Variants in ARHGAP15 observed in about 807,000 individuals in gnomAD.
The protein encoded by ARHGAP15 is rho GTPase-activating protein 15.
A neutral mutation model predicts 63.7 loss-of-function variants in ARHGAP15; 51 were observed. The ratio of observed to expected loss-of-function variants is 0.80; its 90% CI spans 0.64 to 1.01. ARHGAP15 has a LOEUF of 1.01. Ranked by LOEUF, ARHGAP15 falls within the 50% of genes least tolerant of loss-of-function variation. The probability of loss-of-function intolerance (pLI) is 0.00; values close to 1 mark genes in which losing one functional copy is unlikely to be tolerated. For missense variants in ARHGAP15, 560 were observed against 564.6 expected, an observed-to-expected ratio of 0.99 and a Z score of 0.08; for synonymous variants, 191 against 193.8, an observed-to-expected ratio of 0.99 and a Z score of 0.12.
chr2:143,389,442 A>G (rs1687447863), intron 6 of ARHGAP15, among the ~76,000 whole-genome samples: 1 of 152,226 alleles, frequency 6.6e-6, no homozygotes, highest in African/African-American at 2.4e-5. Context: ...CACAATCACA[A>G]TAAATGTTTC....
At chr2:143,222,239 G>A (rs745977815) in intron 4 of ARHGAP15, among the ~76,000 whole-genome samples, 1 of 152,162 alleles carries the variant, frequency 6.6e-6, no homozygotes, top group Non-Finnish European at 1.5e-5. Flanking sequence ...GTGATTTTGC[G>A]GTAAATCAAT....
intron 8 of ARHGAP15, among the ~76,000 whole-genome samples, chr2:143,446,580 C>T (rs183660625): frequency 6.6e-5 from 10 of 151,434 alleles, no homozygotes; most frequent in African/African-American, 2.2e-4. Flanking sequence ...GAGCCTGACA[C>T]GATGGCAATC....
chr2:143,751,444 G>A (rs1686369469), intron 13 of ARHGAP15, among the ~76,000 whole-genome samples: 1 of 152,174 alleles, frequency 6.6e-6, no homozygotes, highest in Non-Finnish European at 1.5e-5. Flanking sequence ...GTCCAGCACA[G>A]TCCACCCTTT....
intron 6 of ARHGAP15, among the ~76,000 whole-genome samples, chr2:143,387,926 C>CAA (rs1458175931): frequency 6.6e-6 from 1 of 151,750 alleles, no homozygotes; most frequent in African/African-American, 2.4e-5. Context: ...CACACACACA[C>CAA]ACGCATGCAT....
chr2:143,671,307 G>C (rs1682514231), intron 12 of ARHGAP15, among the ~76,000 whole-genome samples: 1 of 151,844 alleles, frequency 6.6e-6, no homozygotes, highest in Non-Finnish European at 1.5e-5. Context: ...ATAGTACTCT[G>C]AGTATTTCTA....
intron 12 of ARHGAP15, among the ~76,000 whole-genome samples, chr2:143,689,065 G>A (rs1211166265): frequency 2.0e-5 from 3 of 152,108 alleles, no homozygotes; most frequent in East Asian, 1.9e-4. Context: ...ATACTTATAA[G>A]CTGTAGATAA....
intron 13 of ARHGAP15, among the ~76,000 whole-genome samples, chr2:143,753,228 G>A (rs760277249): frequency 1.3e-5 from 2 of 152,198 alleles, no homozygotes; most frequent in Admixed American, 6.5e-5. Flanking sequence ...GAGGCAAACC[G>A]TGAAGAAGAT....
At chr2:143,657,239 C>G (rs748483775) in intron 12 of ARHGAP15, among the ~76,000 whole-genome samples, 3 of 152,012 alleles carry the variant, frequency 2.0e-5, no homozygotes, top group Non-Finnish European at 2.9e-5. Flanking sequence ...CCCAGCTACT[C>G]CGGAGGCTGA....
chr2:143,681,456 T>A (rs1683098009), intron 12 of ARHGAP15, among the ~76,000 whole-genome samples: 1 of 152,264 alleles, frequency 6.6e-6, no homozygotes, highest in East Asian at 1.9e-4. Flanking sequence ...GCAAATTTCT[T>A]TGAAAATTTG....
At chr2:143,347,804 T>C (rs1351674368) in intron 6 of ARHGAP15, among the ~76,000 whole-genome samples, 1 of 133,892 alleles carries the variant, frequency 7.5e-6, no homozygotes, top group Non-Finnish European at 1.6e-5. Flanking sequence ...CAAGTCCTTT[T>C]GACTTCGTGA....
intron 6 of ARHGAP15, among the ~76,000 whole-genome samples, chr2:143,415,435 A>G (rs1350701615): frequency 8.5e-5 from 13 of 152,310 alleles, no homozygotes; most frequent in South Asian, 6.2e-4. Flanking sequence ...CTCGAAATGC[A>G]TAAGAAATAT....
intron 13 of ARHGAP15, among the ~76,000 whole-genome samples, chr2:143,711,930 A>AAAAAC (rs992944746): frequency 6.6e-6 from 1 of 152,212 alleles, no homozygotes; most frequent in African/African-American, 2.4e-5. Flanking sequence ...GTCAAAAAAC[A>AAAAAC]AAAACAAAAC....
chr2:143,596,366 T>C (rs908559543), intron 11 of ARHGAP15, among the ~76,000 whole-genome samples: 4 of 152,052 alleles, frequency 2.6e-5, no homozygotes, highest in Non-Finnish European at 5.9e-5. Flanking sequence ...AAACTTTCAA[T>C]GCATAACAAC....
chr2:143,755,910 G>A (rs990354534), intron 13 of ARHGAP15, among the ~76,000 whole-genome samples: 2 of 151,966 alleles, frequency 1.3e-5, no homozygotes, highest in African/African-American at 2.4e-5. Context: ...AGGTTGCAGC[G>A]AGCTGAGATC....
At chr2:143,307,082 C>T (rs769590862) in intron 6 of ARHGAP15, among the ~76,000 whole-genome samples, 9 of 152,132 alleles carry the variant, frequency 5.9e-5, no homozygotes, top group Non-Finnish European at 1.5e-5. Context: ...AAGTCCCATA[C>T]ACTTTATGAC....
intron 6 of ARHGAP15, among the ~76,000 whole-genome samples, chr2:143,282,031 G>T (rs1476302033): frequency 6.6e-6 from 1 of 151,922 alleles, no homozygotes; most frequent in Non-Finnish European, 1.5e-5. Flanking sequence ...TCTTTTAGTA[G>T]TTTTCAGTTT....
At chr2:143,762,120 TA>T (rs1202963799) in intron 13 of ARHGAP15, among the ~76,000 whole-genome samples, 1 of 152,200 alleles carries the variant, frequency 6.6e-6, no homozygotes, top group Non-Finnish European at 1.5e-5. Context: ...TCAGAGGCAC[TA>T]AACTTTGAGC....
chr2:143,428,558 G>A (rs564901722), intron 6 of ARHGAP15, among the ~76,000 whole-genome samples: 1 of 152,084 alleles, frequency 6.6e-6, no homozygotes, highest in African/African-American at 2.4e-5. Flanking sequence ...AAATTCTCAT[G>A]AGAGATGATG....
chr2:143,686,151 G>C (rs192594406), intron 12 of ARHGAP15, among the ~76,000 whole-genome samples: 1 of 152,064 alleles, frequency 6.6e-6, no homozygotes, highest in African/African-American at 2.4e-5. Context: ...GCTCACGCCT[G>C]TAATCCCAGC....
Sources: allele counts gnomAD v4.1 joint callset (sites outside exome capture counted in the v4.1 genomes callset), GRCh38; gene constraint gnomAD v4.1.1; transcripts MANE v1.5; gene names NCBI Gene and HGNC (gene_info 2026-07-23, HGNC 2026-07-21).